KIFC1: variants seen among roughly 807,000 people sequenced by gnomAD.
The protein encoded by KIFC1 is kinesin family member C1.
KIFC1 carries 37 observed loss-of-function variants against 66.6 expected under a neutral mutation model. That is an observed-to-expected ratio of 0.56 (90% CI 0.43 to 0.73). The LOEUF is 0.73. Among genes scored for constraint, KIFC1 ranks in the 30% least tolerant of loss-of-function variants. KIFC1 has a pLI of 0.00. For missense variants in KIFC1, 721 were observed against 859.8 expected, an observed-to-expected ratio of 0.84 and a Z score of 2.02; for synonymous variants, 325 against 343.5, an observed-to-expected ratio of 0.95 and a Z score of 0.60.
In KIFC1 at chr6:33,400,799, A is replaced by G. The variant is rs1047206272; in HGVS notation, c.250+2412A>G. On this transcript the variant is annotated intron_variant, in intron 3 of 10. Coordinates refer to ENST00000428849, the MANE Select transcript of KIFC1 (RefSeq NM_002263.4). This position sits in a 1 kb window ranked among gnomAD's most constrained non-coding sequence, Gnocchi z 4.3. ...GTAGCTGGGACTACAGGCGCCCTCCACCACACTTGGCTAATTTTGTTTTTT... is the reference window on the plus strand; with the variant it reads ...GTAGCTGGGACTACAGGCGCCCTCCGCCACACTTGGCTAATTTTGTTTTTT... 6.6e-6 allele frequency among the ~76,000 whole-genome samples: 1 copy of G among 151,860 alleles called. No homozygotes were observed. Among genetic ancestry groups the G allele is most frequent in the Non-Finnish European group, 1.5e-5 (1 of 67,978 alleles).
intron 10 of KIFC1, among the ~76,000 whole-genome samples, chr6:33,408,208 G>A (rs1467821268): frequency 1.3e-5 from 2 of 152,154 alleles, no homozygotes; most frequent in Non-Finnish European, 2.9e-5. Context: ...GTTCAAATCA[G>A]GATCCAGGCA....
rs747725010 is a variant in KIFC1 at position 33,406,575 on chromosome 6, C to T, written c.1828-17C>T. ...CCTGCCTATTCCTAAACATCTGTCCCCACCTCAATCATCTAGGAGTCCCAC... is the reference window on the plus strand; with the variant it reads ...CCTGCCTATTCCTAAACATCTGTCCTCACCTCAATCATCTAGGAGTCCCAC... On this transcript the variant is annotated splice_polypyrimidine_tract_variant and intron_variant, in intron 8 of 10. Transcript: ENST00000428849. This position sits in a 1 kb window ranked among gnomAD's most constrained non-coding sequence, Gnocchi z 4.5. The T allele has an allele frequency of 6.2e-7, 1 of 1,614,018 alleles. No homozygotes were observed. The highest frequency in any genetic ancestry group is 1.1e-5 in the South Asian group (1 of 91,086).
chr6:33,409,705 C>CTGTGTGTG lies in KIFC1; in HGVS notation c.*57_*64dup, dbSNP rs3066474. ...ACAGGAAGTGAAGACGGATCCAGAT[C>CTGTGTGTG]TGTGTGTGTGTGTGTGTGTGTGTGT... On this transcript the variant is annotated 3_prime_UTR_variant, in exon 11 of 11. Coordinates refer to ENST00000428849, the MANE Select transcript of KIFC1 (RefSeq NM_002263.4). 3.6e-3 allele frequency: 4,491 copies of CTGTGTGTG among 1,261,460 alleles called. 23 individuals carry two copies. Among genetic ancestry groups the CTGTGTGTG allele is most frequent in the African/African-American group, 0.013 (677 of 53,430 alleles). 78.1% of individuals were successfully genotyped at this position (1,261,460 alleles called of 1,614,324 possible). A position where few individuals can be genotyped will look rare whatever the true frequency, so the allele number is the denominator to read the frequency against.
rs1662837024 is a variant in KIFC1, at chr6:33,401,366, C to T, written c.251-1948C>T. Among the ~76,000 whole-genome samples, 6 of 151,928 alleles carry T rather than the reference C, an allele frequency of 3.9e-5. No individual in the cohort carries two copies. Among genetic ancestry groups the T allele is most frequent in the Admixed American group, 3.9e-4 (6 of 15,240 alleles). ...AGTCAGGATGGTCTCGATCTCCTGA[C>T]CTCGTGATCCGCCCGCCTCAGCCTC... On this transcript the variant is annotated intron_variant, in intron 3 of 10. Transcript: ENST00000428849. This position sits in a 1 kb window ranked among gnomAD's most constrained non-coding sequence, Gnocchi z 4.5.
In KIFC1 at chr6:33,404,895, C is replaced by G. The variant is rs762308353; in HGVS notation, c.800C>G (p.Ala267Gly). The change falls in exon 7 of 11, where the codon GCA becomes GGA. Residue 267 changes from alanine (A) to glycine (G), a missense_variant. Ala to Gly is a moderately conservative substitution (Grantham distance 60). Coordinates refer to ENST00000428849, the MANE Select transcript of KIFC1 (RefSeq NM_002263.4). This position sits in a 1 kb window ranked among gnomAD's most constrained non-coding sequence, Gnocchi z 4.0. ...GAAGCAGCCCTGTCAAGCAGCCAAG[C>G]AGAGGTGGCATCTCTGCGGCAGGAG... is the stretch of plus-strand genomic sequence containing the variant. Reference protein sequence around the residue: ...TSEAALSSSQAEVASLRQETV... With the variant: ...TSEAALSSSQGEVASLRQETV... 2 of 1,613,670 alleles carry G rather than the reference C, an allele frequency of 1.2e-6. No individual in the cohort carries two copies. The highest frequency in any genetic ancestry group is 1.7e-6 in the Non-Finnish European group (2 of 1,179,764).
At chr6:33,407,947 T>G (rs1268488744) in intron 10 of KIFC1, among the ~76,000 whole-genome samples, 1 of 152,354 alleles carries the variant, frequency 6.6e-6, no homozygotes, top group East Asian at 1.9e-4. Flanking sequence ...TTGGGCCTCC[T>G]CCCAGTCAGC....
At position 33,405,268 on chromosome 6, in the gene KIFC1, T is replaced by C; in HGVS notation, c.1173T>C (p.Ile391=). ...GSGQDEVFEE[I]AMLVQSALDG... ...GACAGGATGAAGTGTTTGAAGAGATTGCCATGCTTGTCCAGTCAGCCCTGG... is the reference window on the plus strand; with the variant it reads ...GACAGGATGAAGTGTTTGAAGAGATCGCCATGCTTGTCCAGTCAGCCCTGG... The change falls in exon 7 of 11, where the codon ATT becomes ATC. Residue 391 remains isoleucine (I), a synonymous_variant. Coordinates refer to ENST00000428849, the MANE Select transcript of KIFC1 (RefSeq NM_002263.4). This position sits in a 1 kb window ranked among gnomAD's most constrained non-coding sequence, Gnocchi z 5.4. 1 of 1,614,194 alleles carries C rather than the reference T, an allele frequency of 6.2e-7. No homozygotes were observed. Among genetic ancestry groups the C allele is most frequent in the Non-Finnish European group, 8.5e-7 (1 of 1,180,038 alleles).
At position 33,398,016 on chromosome 6, in the gene KIFC1, C is replaced by CGGGAAA. The variant is rs1775174255; in HGVS notation, c.13-13_13-12insGGGAAA. Reference sequence around the variant, plus strand: ...CTCCTGGGTATTGTCTTAAGGGTCTCTTTTCCCAACAGAGGTCCCCCCTAT... The same window carrying CGGGAAA: ...CTCCTGGGTATTGTCTTAAGGGTCTCGGGAAATTTTCCCAACAGAGGTCCCCCCTAT... On this transcript the variant is annotated splice_polypyrimidine_tract_variant and intron_variant, in intron 1 of 10. Coordinates refer to ENST00000428849, the MANE Select transcript of KIFC1 (RefSeq NM_002263.4). 6.2e-7 allele frequency: 1 copy of CGGGAAA among 1,613,750 alleles called. No individual in the cohort carries two copies. The highest frequency in any genetic ancestry group is 1.1e-5 in the South Asian group (1 of 91,082).
At chr6:33,408,573 C>G (rs1003589792) in intron 10 of KIFC1, among the ~76,000 whole-genome samples, 2 of 152,298 alleles carry the variant, frequency 1.3e-5, no homozygotes, top group African/African-American at 4.8e-5. Flanking sequence ...TTGCCATCTA[C>G]TTGGTTTCTC....
Position 33,403,312 on chromosome 6 carries a change from A to G in KIFC1, c.251-2A>G, listed in dbSNP as rs1330383513. ...CTTTGCTCTCTCCCATCTCCTGGGC[A>G]GCTCAAAAAGTTTCCAAGAAGACAG... On this transcript the variant is annotated splice_acceptor_variant, in intron 3 of 10. Coordinates refer to ENST00000428849, the MANE Select transcript of KIFC1 (RefSeq NM_002263.4). LOFTEE classifies it high-confidence loss of function. This position sits in a 1 kb window ranked among gnomAD's most constrained non-coding sequence, Gnocchi z 4.6. The G allele has an allele frequency of 1.2e-6, 2 of 1,612,790 alleles. No homozygotes were observed. Among genetic ancestry groups the G allele is most frequent in the Admixed American group, 3.3e-5 (2 of 60,018 alleles).
intron 1 of KIFC1, among the ~76,000 whole-genome samples, chr6:33,392,810 G>A (rs1774856418): frequency 6.6e-6 from 1 of 152,204 alleles, no homozygotes; most frequent in Admixed American, 6.5e-5. Flanking sequence ...GTGACAGTAA[G>A]AAGTAGTAAA....
chr6:33,396,431 CTTTTCT>C (rs1415050394), intron 1 of KIFC1, among the ~76,000 whole-genome samples: 1 of 128,256 alleles, frequency 7.8e-6, no homozygotes, highest in Admixed American at 8.2e-5. Flanking sequence ...TCTTTCTTTT[CTTTTCT>C]TTTTTTTTTT....
intron 3 of KIFC1, chr6:33,399,951 A>AT (rs968390366): frequency 3.5e-5 from 20 of 572,644 alleles, no homozygotes; most frequent in South Asian, 2.9e-4. Context: ...TAAACTTAAC[A>AT]TTTTTTTTCC....
chr6:33,407,023 T>C, intron 10 of KIFC1, 148 bp downstream of exon 10: 4 of 1,432,762 alleles, frequency 2.8e-6, no homozygotes, highest in Non-Finnish European at 3.7e-6. Context: ...GGTTCCATTT[T>C]TAATTATTAG....
intron 1 of KIFC1, among the ~76,000 whole-genome samples, chr6:33,397,824 C>G (rs1477813959): frequency 1.3e-5 from 2 of 152,168 alleles, no homozygotes; most frequent in Non-Finnish European, 2.9e-5. Context: ...TTAGTCAAGT[C>G]CAGCTTTTCC....
Position 33,392,012 on chromosome 6 carries a change from C to T in KIFC1, c.12+15C>T, listed in dbSNP as rs1774808296. The stretch of plus-strand genomic sequence containing the variant: ...TGGATCCGCAGGTGAGTAGGGGCGG[C>T]GCAGGTGTCCTGCCCTGGGGATGGG... On this transcript the variant is annotated intron_variant, in intron 1 of 10. Transcript: ENST00000428849. 1.9e-6 allele frequency: 3 copies of T among 1,613,570 alleles called. No individual in the cohort carries two copies. The highest frequency in any genetic ancestry group is 2.5e-6 in the Non-Finnish European group (3 of 1,179,782).
chr6:33,405,391 G>C lies in KIFC1; in HGVS notation c.1296G>C (p.Gly432=). ...CTGGGGGAGACCCCCAGTTGGAGGGGCTGATCCCTCGGGCCCTGCGGCACC... is the reference window on the plus strand; with the variant it reads ...CTGGGGGAGACCCCCAGTTGGAGGGCCTGATCCCTCGGGCCCTGCGGCACC... ...GGPGGDPQLE[G]LIPRALRHLF... The change falls in exon 7 of 11, where the codon GGG becomes GGC. Residue 432 remains glycine, a synonymous_variant. Coordinates refer to ENST00000428849, the MANE Select transcript of KIFC1 (RefSeq NM_002263.4). The surrounding 1 kb of genome is among the most constrained non-coding windows in gnomAD (Gnocchi z 5.4). 6.2e-7 allele frequency: 1 copy of C among 1,608,400 alleles called. No individual in the cohort carries two copies.
intron 10 of KIFC1, among the ~76,000 whole-genome samples, chr6:33,409,113 C>T (rs926515943): frequency 7.2e-5 from 11 of 152,164 alleles, no homozygotes; most frequent in African/African-American, 1.9e-4. Flanking sequence ...TTGCAGTGAG[C>T]CGAGATCGCG....
chr6:33,394,802 T>G (rs1774955080), intron 1 of KIFC1, among the ~76,000 whole-genome samples: 1 of 152,224 alleles, frequency 6.6e-6, no homozygotes, highest in African/African-American at 2.4e-5. Context: ...ATGTTGACGA[T>G]GCAGTTCAGT....
Sources: allele counts gnomAD v4.1 joint callset (sites outside exome capture counted in the v4.1 genomes callset), GRCh38; gene constraint gnomAD v4.1.1; non-coding constraint Gnocchi (gnomAD v3.1); transcripts MANE v1.5; gene names NCBI Gene and HGNC (gene_info 2026-07-23, HGNC 2026-07-21).